RYR2: variants seen among roughly 807,000 people sequenced by gnomAD.
RYR2 encodes ryanodine receptor 2.
RYR2 carries 227 observed loss-of-function variants against 601.1 expected under a neutral mutation model. That is an observed-to-expected ratio of 0.38 (90% CI 0.34 to 0.42). RYR2 has a LOEUF of 0.42. Ranked by LOEUF, RYR2 falls within the 10% of genes least tolerant of loss-of-function variation. The pLI is 1.00. For missense variants in RYR2, 4,646 were observed against 6,156.5 expected, an observed-to-expected ratio of 0.75 and a Z score of 8.21; for synonymous variants, 2,223 against 2,175.1, an observed-to-expected ratio of 1.02 and a Z score of -0.61.
chr1:237,609,370 C>G (rs1222962925), intron 35 of RYR2, among the ~76,000 whole-genome samples: 5 of 143,720 alleles, frequency 3.5e-5, no homozygotes, highest in African/African-American at 1.3e-4. Context: ...CCCCTTCCCC[C>G]CTTCCCTTTT....
chr1:237,652,876 T>G (rs940054782), intron 51 of RYR2, among the ~76,000 whole-genome samples: 1 of 152,144 alleles, frequency 6.6e-6, no homozygotes, highest in African/African-American at 2.4e-5. Flanking sequence ...TGGATGTATG[T>G]ATGTGTCCAT....
At chr1:237,516,786 T>C (rs1400564568) in intron 24 of RYR2, among the ~76,000 whole-genome samples, 1 of 152,174 alleles carries the variant, frequency 6.6e-6, no homozygotes, top group Non-Finnish European at 1.5e-5. Context: ...GTTTCATTCC[T>C]ACTTCTAGCC....
chr1:237,090,501 C>G (rs534869254), intron 1 of RYR2, among the ~76,000 whole-genome samples: 1 of 152,124 alleles, frequency 6.6e-6, no homozygotes, highest in Non-Finnish European at 1.5e-5. Context: ...ACAGATTTTC[C>G]CCTAGAGTCA....
chr1:237,768,058 G>A (rs904001311), intron 84 of RYR2, among the ~76,000 whole-genome samples: 4 of 152,170 alleles, frequency 2.6e-5, no homozygotes, highest in African/African-American at 9.7e-5. Context: ...ATTGTAGGTA[G>A]AATAGTAGCC....
At chr1:237,296,485 T>C (rs1198804043) in intron 2 of RYR2, among the ~76,000 whole-genome samples, 1 of 152,124 alleles carries the variant, frequency 6.6e-6, no homozygotes, top group Admixed American at 6.6e-5. Flanking sequence ...GAAAGAGGAA[T>C]TAAAGAGTTT....
chr1:237,162,405 C>G (rs1477706800), intron 1 of RYR2, among the ~76,000 whole-genome samples: 4 of 151,966 alleles, frequency 2.6e-5, no homozygotes, highest in African/African-American at 9.7e-5. Context: ...TCTCTAATCT[C>G]AAGGAGCTGA....
intron 1 of RYR2, among the ~76,000 whole-genome samples, chr1:237,209,185 T>C (rs930141215): frequency 6.6e-6 from 1 of 150,936 alleles, no homozygotes; most frequent in Non-Finnish European, 1.5e-5. Flanking sequence ...TTCAGCCATA[T>C]GAAAAATATT....
chr1:237,165,705 G>T (rs1558350925), intron 1 of RYR2, among the ~76,000 whole-genome samples: 1 of 152,006 alleles, frequency 6.6e-6, no homozygotes, highest in Admixed American at 6.6e-5. Flanking sequence ...TCTCTACAAA[G>T]AAACTAAAAA....
chr1:237,503,585 C>A, intron 22 of RYR2, 80 bp downstream of exon 22: 2 of 1,370,960 alleles, frequency 1.5e-6, no homozygotes, highest in Non-Finnish European at 2.0e-6. Context: ...GGACCACAAC[C>A]CATAGGAACG....
intron 1 of RYR2, among the ~76,000 whole-genome samples, chr1:237,222,076 G>C (rs1225498758): frequency 6.6e-6 from 1 of 152,000 alleles, no homozygotes; most frequent in Non-Finnish European, 1.5e-5. Flanking sequence ...TTTTATCCTG[G>C]GAATATTGCA....
chr1:237,254,891 G>A (rs1052848395), intron 1 of RYR2, among the ~76,000 whole-genome samples: 1 of 152,204 alleles, frequency 6.6e-6, no homozygotes, highest in African/African-American at 2.4e-5. Flanking sequence ...GATAAACCAG[G>A]TGACAAGGAG....
chr1:237,511,609 T>G (rs539653408), intron 23 of RYR2, 79 bp from the exon 24 acceptor site: 1 of 1,161,166 alleles, frequency 8.6e-7, no homozygotes, highest in African/African-American at 1.5e-5. Context: ...CTGCCTCCAC[T>G]TTCTACCACA....
At position 237,610,107 on chromosome 1, in the gene RYR2, G is replaced by T. The variant is rs1677668847; in HGVS notation, c.4684-655G>T. ...AAGAGGCAGGCATCGGTGTTGTCAA[G>T]ATCATAGATAAATGAAGAAACTTTT... On this transcript the variant is annotated intron_variant, in intron 35 of 104. Coordinates refer to ENST00000366574, the MANE Select transcript of RYR2 (RefSeq NM_001035.3). This position sits in a 1 kb window ranked among gnomAD's most constrained non-coding sequence, Gnocchi z 4.9. Among the ~76,000 whole-genome samples the T allele has an allele frequency of 6.6e-6, 1 of 152,174 alleles. No individual in the cohort carries two copies. Among genetic ancestry groups the T allele is most frequent in the Non-Finnish European group, 1.5e-5 (1 of 68,034 alleles).
At chr1:237,230,875 G>A (rs1402516327) in intron 1 of RYR2, among the ~76,000 whole-genome samples, 4 of 146,786 alleles carry the variant, frequency 2.7e-5, no homozygotes, top group Non-Finnish European at 5.9e-5. Flanking sequence ...CTTGCAGTGA[G>A]CTGAGATCGT....
rs566626574 is a variant in RYR2, at chr1:237,283,878, T to A, written c.168+13262T>A. On this transcript the variant is annotated intron_variant, in intron 2 of 104. Transcript: ENST00000366574. ...CATGAGTAAGTTCTTTAGTGGTGATTTGTGAGATTTTGGGGCACCCATCAC... is the reference window on the plus strand; with the variant it reads ...CATGAGTAAGTTCTTTAGTGGTGATATGTGAGATTTTGGGGCACCCATCAC... Among the ~76,000 whole-genome samples the A allele has an allele frequency of 1.7e-4, 26 of 152,310 alleles. No individual in the cohort carries two copies. In the East Asian group the frequency reaches 2.3e-3, roughly 14 times the overall value.
At chr1:237,331,791 G>A (rs1006178614) in intron 3 of RYR2, among the ~76,000 whole-genome samples, 16 of 152,022 alleles carry the variant, frequency 1.1e-4, no homozygotes, top group African/African-American at 2.9e-4. Flanking sequence ...TGGGATTACA[G>A]GCGTGAGCCA....
At chr1:237,795,962 GTATGTA>G (rs1356840973) in intron 96 of RYR2, among the ~76,000 whole-genome samples, 1 of 84,934 alleles carries the variant, frequency 1.2e-5, no homozygotes, top group Non-Finnish European at 2.7e-5. Flanking sequence ...GTGTACATAT[GTATGTA>G]TATGTATATA....
chr1:237,734,925 T>C (rs558828272), intron 79 of RYR2, among the ~76,000 whole-genome samples: 5 of 152,190 alleles, frequency 3.3e-5, no homozygotes, highest in Admixed American at 3.3e-4. Context: ...GAGTAGATGA[T>C]CTTACCCAGG....
intron 3 of RYR2, among the ~76,000 whole-genome samples, chr1:237,343,588 G>A (rs1455953523): frequency 2.0e-5 from 3 of 152,080 alleles, no homozygotes; most frequent in African/African-American, 7.2e-5. Context: ...ATTAAAAATA[G>A]TGATTATCTT....
Sources: gnomAD v4.1 joint callset for allele counts (sites outside exome capture counted in the v4.1 genomes callset) on GRCh38, gnomAD v4.1.1 for gene constraint, Gnocchi (gnomAD v3.1) non-coding constraint, MANE v1.5 for transcripts, NCBI Gene and HGNC (gene_info 2026-07-23, HGNC 2026-07-21) for gene names.